CARMIL1: variants seen among roughly 807,000 people sequenced by gnomAD.
CARMIL1 encodes F-actin-uncapping protein LRRC16A.
CARMIL1 carries 90 observed loss-of-function variants against 177.1 expected under a neutral mutation model. The observed-to-expected ratio is 0.51, with a 90% CI of 0.43 to 0.61. The LOEUF (loss-of-function observed/expected upper bound fraction) is 0.61. Among genes scored for constraint, CARMIL1 ranks in the 20% least tolerant of loss-of-function variants. CARMIL1 has a pLI of 0.00. For missense variants in CARMIL1, 1,380 were observed against 1,667.0 expected, an observed-to-expected ratio of 0.83 and a Z score of 3.00; for synonymous variants, 577 against 606.2, an observed-to-expected ratio of 0.95 and a Z score of 0.71.
chr6:25,469,814 C>T (rs1394989138), intron 9 of CARMIL1, among the ~76,000 whole-genome samples: 2 of 152,146 alleles, frequency 1.3e-5, no homozygotes, highest in Non-Finnish European at 2.9e-5. Context: ...ATCTGCCTTC[C>T]TCAGTTTCCC....
chr6:25,493,567 G>C (rs936510314), intron 15 of CARMIL1, among the ~76,000 whole-genome samples: 1 of 152,134 alleles, frequency 6.6e-6, no homozygotes, highest in Non-Finnish European at 1.5e-5. Flanking sequence ...CTCCTATCTA[G>C]AACATTCACA....
At chr6:25,565,813 C>A (rs956560172) in intron 29 of CARMIL1, among the ~76,000 whole-genome samples, 16 of 152,156 alleles carry the variant, frequency 1.1e-4, no homozygotes, top group African/African-American at 3.6e-4. Context: ...TGCACTCCAG[C>A]CTGGCGACAG....
intron 2 of CARMIL1, among the ~76,000 whole-genome samples, chr6:25,382,634 A>G (rs1230299847): frequency 6.6e-6 from 1 of 151,998 alleles, no homozygotes; most frequent in Non-Finnish European, 1.5e-5. Flanking sequence ...ACAATCCTTT[A>G]GACACAGAGT....
At chr6:25,499,613 C>T (rs115376563) in intron 16 of CARMIL1, among the ~76,000 whole-genome samples, 2,002 of 152,226 alleles carry the variant, frequency 0.013, 27 homozygotes, top group Middle Eastern at 0.027. Flanking sequence ...ATCCTGGACT[C>T]CAATTCAAGA....
At chr6:25,298,341 AT>A (rs2150164404) in intron 2 of CARMIL1, among the ~76,000 whole-genome samples, 1 of 152,336 alleles carries the variant, frequency 6.6e-6, no homozygotes, top group African/African-American at 2.4e-5. Context: ...TACAAGGTAC[AT>A]GTTGTTATGT....
intron 35 of CARMIL1, among the ~76,000 whole-genome samples, chr6:25,608,543 G>A (rs529092249): frequency 1.3e-5 from 2 of 152,252 alleles, no homozygotes; most frequent in South Asian, 4.1e-4. Context: ...ATATTCTGTT[G>A]CAAGAAGTTT....
chr6:25,511,458 C>A (rs550696321), intron 20 of CARMIL1, among the ~76,000 whole-genome samples: 4 of 152,056 alleles, frequency 2.6e-5, no homozygotes, highest in Non-Finnish European at 5.9e-5. Context: ...AGATTTTGTC[C>A]GTTTCCTCTC....
chr6:25,439,545 C>G (rs1474478374), intron 5 of CARMIL1, among the ~76,000 whole-genome samples: 1 of 152,076 alleles, frequency 6.6e-6, no homozygotes, highest in African/African-American at 2.4e-5. Context: ...AGTGAAAAAC[C>G]AGGGCCTGGG....
At chr6:25,406,891 G>C (rs896182837) in intron 2 of CARMIL1, among the ~76,000 whole-genome samples, 1 of 152,120 alleles carries the variant, frequency 6.6e-6, no homozygotes, top group Non-Finnish European at 1.5e-5. Flanking sequence ...GAGTCATCTG[G>C]GATGGACTGA....
intron 36 of CARMIL1, among the ~76,000 whole-genome samples, chr6:25,616,907 G>A (rs747658851): frequency 2.6e-5 from 4 of 152,224 alleles, no homozygotes; most frequent in Admixed American, 2.0e-4. Context: ...CCTTGATCTC[G>A]CTATGCCTTA....
intron 11 of CARMIL1, 140 bp from the exon 12 acceptor site, chr6:25,482,117 G>A: frequency 1.7e-6 from 1 of 600,918 alleles, no homozygotes; most frequent in Non-Finnish European, 2.9e-6. Flanking sequence ...GATGGTAAAT[G>A]TTTAGAAAAC....
intron 2 of CARMIL1, among the ~76,000 whole-genome samples, chr6:25,301,366 G>T (rs952059866): frequency 1.3e-5 from 2 of 152,182 alleles, no homozygotes; most frequent in East Asian, 3.8e-4. Context: ...TGGAAAGGGT[G>T]ACTTTTAGAA....
At chr6:25,329,439 G>A (rs1785408351) in intron 2 of CARMIL1, among the ~76,000 whole-genome samples, 1 of 152,172 alleles carries the variant, frequency 6.6e-6, no homozygotes, top group Non-Finnish European at 1.5e-5. Context: ...TTTCCACAGA[G>A]CCGGCTTTGC....
chr6:25,446,697 T>C (rs974138543), intron 5 of CARMIL1, among the ~76,000 whole-genome samples: 1 of 152,218 alleles, frequency 6.6e-6, no homozygotes, highest in African/African-American at 2.4e-5. Flanking sequence ...AATTTTTTTG[T>C]TGCAAAAGGC....
intron 3 of CARMIL1, among the ~76,000 whole-genome samples, chr6:25,423,445 C>T (rs72831250): frequency 0.059 from 9,029 of 152,148 alleles, 416 homozygotes; most frequent in South Asian, 0.1. Context: ...ACCCATCAGC[C>T]GGGCAAATAA....
chr6:25,311,905 A>C (rs1279369776), intron 2 of CARMIL1, among the ~76,000 whole-genome samples: 1 of 152,208 alleles, frequency 6.6e-6, no homozygotes, highest in Non-Finnish European at 1.5e-5. Context: ...TTGTCTCAGG[A>C]GGCATTAGCC....
At chr6:25,463,620 G>A (rs1369118796) in intron 8 of CARMIL1, among the ~76,000 whole-genome samples, 2 of 152,210 alleles carry the variant, frequency 1.3e-5, no homozygotes, top group African/African-American at 2.4e-5. Context: ...CATTCTGAAT[G>A]TTGAAATATA....
At chr6:25,524,520 A>T (rs1170441542) in intron 23 of CARMIL1, among the ~76,000 whole-genome samples, 1 of 152,178 alleles carries the variant, frequency 6.6e-6, no homozygotes, top group Non-Finnish European at 1.5e-5. Flanking sequence ...AAAACCTCAC[A>T]CTAAAAGGCT....
At chr6:25,482,006 G>A (rs1332180236) in intron 11 of CARMIL1, among the ~76,000 whole-genome samples, 3 of 152,160 alleles carry the variant, frequency 2.0e-5, no homozygotes, top group African/African-American at 7.2e-5. Flanking sequence ...GTGGCCCCAA[G>A]AAAAGTATCT....
Sources: gnomAD v4.1 joint callset for allele counts (sites outside exome capture counted in the v4.1 genomes callset) on GRCh38, gnomAD v4.1.1 for gene constraint, MANE v1.5 for transcripts, NCBI Gene and HGNC (gene_info 2026-07-23, HGNC 2026-07-21) for gene names.